Variants in ZC3H18 observed in about 807,000 individuals in gnomAD.
The protein encoded by ZC3H18 is zinc finger CCCH-type containing 18.
In ZC3H18, 8 loss-of-function variants were observed where a neutral mutation model predicts 106.1. The observed-to-expected ratio is 0.08, with a 90% CI of 0.04 to 0.14. The LOEUF is 0.14. ZC3H18 is among the 10% of genes least tolerant of loss of function. ZC3H18 has a pLI of 1.00. For missense variants in ZC3H18, 1,318 were observed against 1,278.4 expected, an observed-to-expected ratio of 1.03 and a Z score of -0.47; for synonymous variants, 635 against 522.1, an observed-to-expected ratio of 1.22 and a Z score of -2.95.
Position 88,623,351 on chromosome 16 carries a change from C to T in ZC3H18, c.1793+7C>T. ...TCTCAGGAAGCCGGTCCAGGTATGT[C>T]CCCAGGGCCCATGAAGGGCCCTCAG... is the stretch of plus-strand genomic sequence containing the variant. On this transcript the variant is annotated splice_region_variant and intron_variant, in intron 10 of 17. Coordinates refer to ENST00000301011, the MANE Select transcript of ZC3H18 (RefSeq NM_144604.4). 6.2e-7 allele frequency: 1 copy of T among 1,612,588 alleles called. No individual in the cohort carries two copies. The highest frequency in any genetic ancestry group is 1.1e-5 in the South Asian group (1 of 91,064).
chr16:88,577,875 A>G (rs1914863196), intron 2 of ZC3H18, 149 bp downstream of exon 2: 3 of 1,418,830 alleles, frequency 2.1e-6, no homozygotes, highest in South Asian at 1.4e-5. Flanking sequence ...TTTTGGGTTC[A>G]GTCCCATAGT....
chr16:88,577,626 A>G lies in ZC3H18; in HGVS notation c.503A>G (p.Lys168Arg). 1 of 1,613,970 alleles carries G rather than the reference A, an allele frequency of 6.2e-7. No homozygotes were observed. Among genetic ancestry groups the G allele is most frequent in the Non-Finnish European group, 8.5e-7 (1 of 1,180,012 alleles). Residue 168 changes from lysine (K) to arginine (R), a missense_variant, in exon 2 of 18, where the codon AAG (lysine) becomes AGG (arginine). By Grantham distance (26) the Lys-to-Arg change is conservative. Transcript: ENST00000301011. Reference protein sequence around the residue: ...KGEGTPREEGKAGVQSVGEKE... With the variant: ...KGEGTPREEGRAGVQSVGEKE... ...GAAGGCACTCCCAGGGAGGAGGGGA[A>G]GGCTGGTGTTCAGAGTGTGGGAGAA...
At chr16:88,630,744 G>GCCCTGCCC (rs1257539077) in intron 17 of ZC3H18, among the ~76,000 whole-genome samples, 163 bp downstream of exon 17, 1 of 76,464 alleles carries the variant, frequency 1.3e-5, no homozygotes, top group Non-Finnish European at 2.7e-5. Flanking sequence ...GCGAATTGCA[G>GCCCTGCCC]CCCCACCCCC....
chr16:88,625,587 C>T (rs961812002), intron 13 of ZC3H18: 10 of 358,474 alleles, frequency 2.8e-5, no homozygotes, highest in South Asian at 3.1e-5. Flanking sequence ...GGGGAGGAGC[C>T]GGCAGCTTCC....
At chr16:88,571,142 G>A (rs1179341249) in intron 1 of ZC3H18, among the ~76,000 whole-genome samples, 1 of 152,192 alleles carries the variant, frequency 6.6e-6, no homozygotes, top group Non-Finnish European at 1.5e-5. Flanking sequence ...CCTTTATATA[G>A]ACCAACTGCA....
chr16:88,586,896 T>G (rs1567580683), intron 3 of ZC3H18, among the ~76,000 whole-genome samples: 1 of 152,220 alleles, frequency 6.6e-6, no homozygotes, highest in Non-Finnish European at 1.5e-5. Flanking sequence ...CTTTAATGAC[T>G]GCCTTGGTGG....
chr16:88,597,797 A>C (rs974119913), intron 3 of ZC3H18, among the ~76,000 whole-genome samples: 3 of 152,252 alleles, frequency 2.0e-5, no homozygotes, highest in African/African-American at 7.2e-5. Flanking sequence ...TTCGGCACAA[A>C]TACAATTAAC....
intron 10 of ZC3H18, 164 bp from the exon 11 acceptor site, chr16:88,623,794 G>C: frequency 7.6e-7 from 1 of 1,321,674 alleles, no homozygotes. Flanking sequence ...CTCTGGGCCT[G>C]TGTTTTTAGC....
chr16:88,622,819 C>G, intron 9 of ZC3H18: 2 of 282,904 alleles, frequency 7.1e-6, no homozygotes, highest in Non-Finnish European at 1.3e-5. Context: ...AAGCAGGGGG[C>G]CGGGGTAGAC....
At chr16:88,617,309 C>T (rs948496359) in intron 8 of ZC3H18, among the ~76,000 whole-genome samples, 5 of 152,118 alleles carry the variant, frequency 3.3e-5, no homozygotes, top group East Asian at 1.9e-4. Context: ...CGGCTGGAGA[C>T]GGAGTTGTGC....
chr16:88,624,151 T>C, intron 11 of ZC3H18, 89 bp downstream of exon 11: 2 of 1,546,012 alleles, frequency 1.3e-6, no homozygotes, highest in Non-Finnish European at 8.8e-7. Flanking sequence ...TCATTTGTGT[T>C]TGGGACCAAA....
chr16:88,618,634 C>T (rs1905769263), intron 8 of ZC3H18, among the ~76,000 whole-genome samples: 1 of 152,152 alleles, frequency 6.6e-6, no homozygotes, highest in African/African-American at 2.4e-5. Context: ...TTGGTTTTGT[C>T]TGCCTCTGGC....
chr16:88,593,747 G>A (rs1308326175), intron 3 of ZC3H18, among the ~76,000 whole-genome samples: 1 of 152,234 alleles, frequency 6.6e-6, no homozygotes, highest in Non-Finnish European at 1.5e-5. Flanking sequence ...CAGGAACAAA[G>A]TGAGCCTGTG....
In ZC3H18 at chr16:88,631,588, C is replaced by T. The variant is rs1010588051; in HGVS notation, c.*289C>T. 1.2e-4 allele frequency: 59 copies of T among 511,314 alleles called. No homozygotes were observed. In the Admixed American group the frequency reaches 1.3e-3, roughly 12 times the overall value. 31.7% of individuals were successfully genotyped at this position (511,314 alleles called of 1,614,324 possible). A position where few individuals can be genotyped will look rare whatever the true frequency, so the allele number is the denominator to read the frequency against. On this transcript the variant is annotated 3_prime_UTR_variant, in exon 18 of 18. Transcript: ENST00000301011. ...CCAGCCGCCAGCCCCGCCTTCTCTT[C>T]CTCCTCCTCCGTCTTCTTCCCTGGC... is the stretch of plus-strand genomic sequence containing the variant.
intron 12 of ZC3H18, 69 bp downstream of exon 12, chr16:88,624,814 C>G (rs1906201298): frequency 2.0e-6 from 3 of 1,512,276 alleles, no homozygotes; most frequent in Non-Finnish European, 2.7e-6. Context: ...GCTGGCACTG[C>G]TGGAAATCCA....
chr16:88,588,312 CTG>C (rs1915553655), intron 3 of ZC3H18, among the ~76,000 whole-genome samples: 1 of 152,240 alleles, frequency 6.6e-6, no homozygotes, highest in African/African-American at 2.4e-5. Context: ...GCTCTGGTCT[CTG>C]GGTGGCAGTG....
chr16:88,594,335 C>T (rs1597333731), intron 3 of ZC3H18, among the ~76,000 whole-genome samples: 2 of 152,124 alleles, frequency 1.3e-5, no homozygotes, highest in Admixed American at 6.5e-5. Context: ...TTTCTAATAT[C>T]GTACGTATCA....
chr16:88,630,168 C>A, intron 16 of ZC3H18: 1 of 315,916 alleles, frequency 3.2e-6, no homozygotes, highest in Non-Finnish European at 5.9e-6. Flanking sequence ...CCATGTCTTT[C>A]TTGTTGTTCC....
intron 2 of ZC3H18, among the ~76,000 whole-genome samples, chr16:88,581,850 G>A (rs1477390817): frequency 2.6e-5 from 4 of 152,176 alleles, no homozygotes; most frequent in Non-Finnish European, 5.9e-5. Flanking sequence ...CCAGCCTGGC[G>A]AGGCTCTGAT....
Sources: allele counts gnomAD v4.1 joint callset (sites outside exome capture counted in the v4.1 genomes callset), GRCh38; gene constraint gnomAD v4.1.1; transcripts MANE v1.5; gene names NCBI Gene and HGNC (gene_info 2026-07-23, HGNC 2026-07-21).